ABCD3: variants seen among roughly 807,000 people sequenced by gnomAD.
ABCD3 encodes ATP-binding cassette sub-family D member 3.
In ABCD3, 41 loss-of-function variants were observed where a neutral mutation model predicts 105.5. The ratio of observed to expected loss-of-function variants is 0.39; its 90% CI spans 0.30 to 0.50. The LOEUF (loss-of-function observed/expected upper bound fraction) is 0.50. Among genes scored for constraint, ABCD3 ranks in the 20% least tolerant of loss-of-function variants. The pLI is 0.84. For missense variants in ABCD3, 622 were observed against 806.3 expected, an observed-to-expected ratio of 0.77 and a Z score of 2.77; for synonymous variants, 258 against 269.0, an observed-to-expected ratio of 0.96 and a Z score of 0.40.
rs1164262267 is a variant in ABCD3, at chr1:94,517,595, GTAT to G, written c.*471_*473del. The G allele has an allele frequency of 3.3e-5, 6 of 179,758 alleles. No individual in the cohort carries two copies. In the East Asian group the frequency reaches 9.3e-4, roughly 28 times the overall value. 11.1% of individuals were successfully genotyped at this position (179,758 alleles called of 1,614,324 possible). On this transcript the variant is annotated 3_prime_UTR_variant, in exon 23 of 23. Transcript: ENST00000370214. ...GTGGTAGTTGGAAACAAATCATAAT[GTAT>G]TATTTAAATGTTTAACATCATTGCA...
At chr1:94,433,069 G>A (rs1659752204) in intron 1 of ABCD3, among the ~76,000 whole-genome samples, 1 of 151,800 alleles carries the variant, frequency 6.6e-6, no homozygotes, top group Admixed American at 6.6e-5. Context: ...TGTTGGTCAG[G>A]CTGGTCTCGA....
intron 1 of ABCD3, among the ~76,000 whole-genome samples, chr1:94,442,375 T>C (rs1660165910): frequency 6.6e-6 from 1 of 152,200 alleles, no homozygotes; most frequent in South Asian, 2.1e-4. Context: ...CCCAATTTTA[T>C]GAGTGTAGTG....
the ABCD3 span, among the ~76,000 whole-genome samples, chr1:94,397,415 T>C: frequency 6.6e-6 from 1 of 152,242 alleles, no homozygotes; most frequent in Non-Finnish European, 1.5e-5. Flanking sequence ...TCTCAGTCTT[T>C]CCTTGTTGCT....
At chr1:94,462,043 A>G (rs1021828255) in intron 2 of ABCD3, among the ~76,000 whole-genome samples, 1 of 152,150 alleles carries the variant, frequency 6.6e-6, no homozygotes, top group East Asian at 1.9e-4. Flanking sequence ...GGAACTTCTC[A>G]TTGTACTTTG....
intron 13 of ABCD3, among the ~76,000 whole-genome samples, chr1:94,489,313 G>A (rs1220604224): frequency 6.6e-6 from 1 of 151,994 alleles, no homozygotes; most frequent in East Asian, 1.9e-4. Context: ...TTTAATAAAT[G>A]CCTTCCTTGG....
chr1:94,440,675 C>T (rs1269424613), intron 1 of ABCD3, among the ~76,000 whole-genome samples: 2 of 152,174 alleles, frequency 1.3e-5, no homozygotes, highest in African/African-American at 4.8e-5. Context: ...CTTCACTCTG[C>T]TACCTTTCGG....
At chr1:94,413,327 G>A in the ABCD3 span, among the ~76,000 whole-genome samples, 1 of 151,750 alleles carries the variant, frequency 6.6e-6, no homozygotes, top group South Asian at 2.1e-4. Context: ...AGAAAAATAA[G>A]ATTTGGCTCT....
the ABCD3 span, among the ~76,000 whole-genome samples, chr1:94,396,922 G>T: frequency 6.6e-6 from 1 of 152,056 alleles, no homozygotes; most frequent in African/African-American, 2.4e-5. Context: ...TTTGCTGATA[G>T]GCCTGTGATG....
At position 94,438,301 on chromosome 1, in the gene ABCD3, T is replaced by TACACACACACAC. The variant is rs58959540; in HGVS notation, c.110+19745_110+19756dup. On this transcript the variant is annotated intron_variant, in intron 1 of 22. Coordinates refer to ENST00000370214, the MANE Select transcript of ABCD3 (RefSeq NM_002858.4). The stretch of plus-strand genomic sequence containing the variant: ...ACTCCATCACACACACACACACACA[T>TACACACACACAC]ACACACACACACACACACACACACA... Among the ~76,000 whole-genome samples, 880 of 128,240 alleles carry TACACACACACAC rather than the reference T, an allele frequency of 6.9e-3. 24 individuals are homozygous for TACACACACACAC. Among genetic ancestry groups the TACACACACACAC allele is most frequent in the East Asian group, 0.011 (48 of 4,458 alleles). 84.1% of individuals were successfully genotyped at this position (128,240 alleles called of 152,430 possible).
intron 1 of ABCD3, among the ~76,000 whole-genome samples, chr1:94,452,327 T>C (rs1340080248): frequency 2.0e-5 from 3 of 152,126 alleles, no homozygotes; most frequent in East Asian, 3.9e-4. Flanking sequence ...TATGAGCAAA[T>C]AGTGGGGTGA....
the ABCD3 span, among the ~76,000 whole-genome samples, chr1:94,388,500 T>C: frequency 6.6e-6 from 1 of 152,196 alleles, no homozygotes; most frequent in African/African-American, 2.4e-5. Flanking sequence ...ATTCTATAAC[T>C]AGAAAGGAAG....
intron 1 of ABCD3, among the ~76,000 whole-genome samples, chr1:94,445,882 A>G (rs1247279149): frequency 6.6e-6 from 1 of 152,132 alleles, no homozygotes; most frequent in African/African-American, 2.4e-5. Context: ...ATTAGAGGGA[A>G]AGTACATTTA....
chr1:94,436,687 C>T lies in ABCD3; in HGVS notation c.110+18099C>T, dbSNP rs186378820. Among the ~76,000 whole-genome samples, 19 of 152,250 alleles carry T rather than the reference C, an allele frequency of 1.2e-4. 2 individuals carry two copies. The highest frequency in any genetic ancestry group is 3.4e-3 in the Middle Eastern group (1 of 294). On this transcript the variant is annotated intron_variant, in intron 1 of 22. Coordinates refer to ENST00000370214, the MANE Select transcript of ABCD3 (RefSeq NM_002858.4). ...CTCTGTATCATATTATGGTAATTCTCGTGATATTTCAAACTTTTTCATTTA... is the reference window on the plus strand; with the variant it reads ...CTCTGTATCATATTATGGTAATTCTTGTGATATTTCAAACTTTTTCATTTA...
chr1:94,507,692 G>C (rs577930301), intron 21 of ABCD3, among the ~76,000 whole-genome samples: 2 of 152,200 alleles, frequency 1.3e-5, no homozygotes, highest in South Asian at 2.1e-4. Context: ...TCTAACTGGT[G>C]TGAGATGTTA....
At position 94,517,783 on chromosome 1, in the gene ABCD3, TTAAAG is replaced by T. The variant is rs1036075944; in HGVS notation, c.*657_*661del. ...CTCTCAGTCTGCAGTATTGAGTTGTTTAAAGTATATGTGCAGTCTTGCTTACAAGG... is the reference window on the plus strand; with the variant it reads ...CTCTCAGTCTGCAGTATTGAGTTGTTTATATGTGCAGTCTTGCTTACAAGG... On this transcript the variant is annotated 3_prime_UTR_variant, in exon 23 of 23. Transcript: ENST00000370214. The T allele has an allele frequency of 6.5e-6, 1 of 153,988 alleles. No homozygotes were observed. The highest frequency in any genetic ancestry group is 2.4e-5 in the African/African-American group (1 of 41,398). The allele number at this position is 153,988 out of a possible 1,614,324, so 9.5% of individuals were successfully genotyped here.
chr1:94,507,564 A>G (rs1570836726), intron 21 of ABCD3, among the ~76,000 whole-genome samples: 1 of 152,010 alleles, frequency 6.6e-6, no homozygotes, highest in East Asian at 1.9e-4. Context: ...AGGAATCGCC[A>G]CACTGACTTC....
In ABCD3 at chr1:94,464,821, C is replaced by T; in HGVS notation, c.194C>T (p.Ser65Leu). The part of the protein sequence containing the change: ...ERAVVDKVFF[S>L]RLIQILKIMV... The stretch of plus-strand genomic sequence containing the variant: ...GCTGTGGTGGACAAGGTGTTTTTCT[C>T]AAGGCTCATACAGATTCTGAAAATC... The change falls in exon 3 of 23, where the codon TCA (serine) becomes TTA (leucine). Residue 65 changes from serine (S) to leucine (L), a missense_variant. Ser to Leu is a moderately radical substitution (Grantham distance 145). Transcript: ENST00000370214. 1 of 1,613,658 alleles carries T rather than the reference C, an allele frequency of 6.2e-7. No homozygotes were observed. The highest frequency in any genetic ancestry group is 8.5e-7 in the Non-Finnish European group (1 of 1,179,934).
At chr1:94,456,649 C>T (rs1033414897) in intron 1 of ABCD3, among the ~76,000 whole-genome samples, 9 of 151,462 alleles carry the variant, frequency 5.9e-5, no homozygotes, top group African/African-American at 1.9e-4. Flanking sequence ...ATTGATCTCT[C>T]GATGGACATT....
At chr1:94,447,517 GT>G (rs1359928950) in intron 1 of ABCD3, among the ~76,000 whole-genome samples, 1 of 152,200 alleles carries the variant, frequency 6.6e-6, no homozygotes. Context: ...CCTGCTAAGT[GT>G]TTTCATTGGA....
Sources: gnomAD v4.1 joint callset for allele counts (sites outside exome capture counted in the v4.1 genomes callset) on GRCh38, gnomAD v4.1.1 for gene constraint, MANE v1.5 for transcripts, NCBI Gene and HGNC (gene_info 2026-07-23, HGNC 2026-07-21) for gene names.